Variants in MOCOS observed in about 807,000 individuals in gnomAD.
MOCOS encodes the protein molybdenum cofactor sulfurase.
In MOCOS, 86 loss-of-function variants were observed where a neutral mutation model predicts 83.6. That is an observed-to-expected ratio of 1.03 (90% CI 0.86 to 1.23). MOCOS has a LOEUF of 1.23. Ranked by LOEUF, MOCOS falls within the 50% of genes most tolerant of loss-of-function variation. MOCOS has a pLI of 0.00. For synonymous variants in MOCOS, 445 were observed against 434.7 expected, an observed-to-expected ratio of 1.02 and a Z score of -0.29; for missense variants, 1,120 against 1,126.9, an observed-to-expected ratio of 0.99 and a Z score of 0.09.
At chr18:36,263,321 G>A (rs1184823824) in intron 13 of MOCOS, among the ~76,000 whole-genome samples, 3 of 152,160 alleles carry the variant, frequency 2.0e-5, no homozygotes, top group African/African-American at 4.8e-5. Context: ...TGTGAATTAG[G>A]CCTTTATTGC....
intron 13 of MOCOS, among the ~76,000 whole-genome samples, chr18:36,261,254 T>A (rs1254976532): frequency 2.0e-5 from 3 of 152,172 alleles, no homozygotes; most frequent in Non-Finnish European, 4.4e-5. Context: ...ATAAAACTTT[T>A]TGAGCACTGA....
intron 9 of MOCOS, among the ~76,000 whole-genome samples, chr18:36,225,155 T>C (rs561777170): frequency 1.3e-5 from 2 of 152,290 alleles, no homozygotes; most frequent in South Asian, 2.1e-4. Flanking sequence ...TTTTTTTGTT[T>C]TGTTTGTTTG....
In MOCOS at chr18:36,203,150, G is replaced by T. The variant is rs199870151; in HGVS notation, c.979G>T (p.Ala327Ser). 3.7e-6 allele frequency: 6 copies of T among 1,613,966 alleles called. No homozygotes were observed. In the African/African-American group the frequency reaches 6.7e-5, roughly 18 times the overall value. The change falls in exon 5 of 15, where the codon GCG (alanine) becomes TCG (serine). Residue 327 changes from alanine (A) to serine (S), a missense_variant. Coordinates refer to ENST00000261326, the MANE Select transcript of MOCOS (RefSeq NM_017947.4). The part of the protein sequence containing the change: ...DGTISFLDVI[A>S]LKHGFDTLER... ...CACCATCTCATTCCTTGATGTTATC[G>T]CGCTAAAACATGGATTTGACACCCT...
intron 9 of MOCOS, among the ~76,000 whole-genome samples, chr18:36,237,006 T>C (rs932756090): frequency 9.9e-5 from 15 of 151,974 alleles, no homozygotes; most frequent in Admixed American, 9.8e-4. Flanking sequence ...TTGCTGAAGT[T>C]GCTTATGAGC....
rs866671617 is a variant in MOCOS, at chr18:36,221,860, G to A, written c.1960+1643G>A. ...TGTGCTTCAGCCTCCCGAGTAGCTG[G>A]GATTACAGGCATGCAGCACCATGAC... On this transcript the variant is annotated intron_variant, in intron 9 of 14. Transcript: ENST00000261326. Among the ~76,000 whole-genome samples, 17 of 151,972 alleles carry A rather than the reference G, an allele frequency of 1.1e-4. No homozygotes were observed. In the South Asian group the frequency reaches 3.5e-3, roughly 32 times the overall value.
chr18:36,189,272 C>T (rs183534967), intron 1 of MOCOS, among the ~76,000 whole-genome samples: 41 of 152,276 alleles, frequency 2.7e-4, no homozygotes, highest in African/African-American at 9.6e-5. Context: ...CCTCAGAACT[C>T]GTTACCACTT....
intron 13 of MOCOS, among the ~76,000 whole-genome samples, chr18:36,262,977 T>C (rs2091669284): frequency 6.6e-6 from 1 of 152,030 alleles, no homozygotes; most frequent in Non-Finnish European, 1.5e-5. Flanking sequence ...GGCATGGTGG[T>C]ACATCCCTGT....
At chr18:36,247,477 A>G (rs935665813) in intron 9 of MOCOS, among the ~76,000 whole-genome samples, 4 of 152,140 alleles carry the variant, frequency 2.6e-5, no homozygotes, top group African/African-American at 4.8e-5. Flanking sequence ...CCCCTCTCCA[A>G]TTCCACTGGC....
In MOCOS at chr18:36,206,398, C is replaced by T. The variant is rs574627563; in HGVS notation, c.1218+1122C>T. On this transcript the variant is annotated intron_variant, in intron 6 of 14. Coordinates refer to ENST00000261326, the MANE Select transcript of MOCOS (RefSeq NM_017947.4). ...AACAGCTGGGACTACGGACATGTGC[C>T]ACCATGCCTGGCTAGTTTTTATATT... is the stretch of plus-strand genomic sequence containing the variant. Among the ~76,000 whole-genome samples, 286 of 152,020 alleles carry T rather than the reference C, an allele frequency of 1.9e-3. 1 individual carries two copies. The highest frequency in any genetic ancestry group is 6.7e-3 in the African/African-American group (279 of 41,446).
intron 11 of MOCOS, among the ~76,000 whole-genome samples, chr18:36,255,358 A>G (rs1217542706): frequency 6.6e-6 from 1 of 152,208 alleles, no homozygotes; most frequent in Non-Finnish European, 1.5e-5. Flanking sequence ...GTCTCTTGAC[A>G]ACTTAATTAG....
chr18:36,244,158 G>A (rs959231852), intron 9 of MOCOS, among the ~76,000 whole-genome samples: 1 of 150,214 alleles, frequency 6.7e-6, no homozygotes, highest in African/African-American at 2.4e-5. Context: ...TTTTTTTTCT[G>A]TTTGGTTTGG....
At chr18:36,268,174 G>A (rs970938529) in intron 14 of MOCOS, among the ~76,000 whole-genome samples, 1 of 152,152 alleles carries the variant, frequency 6.6e-6, no homozygotes, top group African/African-American at 2.4e-5. Context: ...TTCCCCAAAA[G>A]GCTTTTACAT....
intron 4 of MOCOS, 33 bp from the exon 5 acceptor site, chr18:36,203,080 G>C: frequency 6.3e-7 from 1 of 1,596,094 alleles, no homozygotes; most frequent in African/African-American, 1.3e-5. Flanking sequence ...TTTGACCACA[G>C]CTTGACCTGT....
intron 13 of MOCOS, among the ~76,000 whole-genome samples, chr18:36,262,506 T>C (rs1329152410): frequency 6.6e-6 from 1 of 151,708 alleles, no homozygotes; most frequent in Non-Finnish European, 1.5e-5. Flanking sequence ...TACTGCACCT[T>C]TCTTTTTTTT....
intron 9 of MOCOS, among the ~76,000 whole-genome samples, chr18:36,231,252 T>G (rs2091536614): frequency 6.6e-6 from 1 of 152,228 alleles, no homozygotes; most frequent in South Asian, 2.1e-4. Flanking sequence ...GAGCTATATA[T>G]TTGGTATCTT....
chr18:36,268,398 G>A (rs1233554160), intron 14 of MOCOS, 135 bp from the exon 15 acceptor site: 1 of 1,052,474 alleles, frequency 9.5e-7, no homozygotes, highest in East Asian at 2.6e-5. Context: ...CTGTGTAACA[G>A]ATAGGAGATA....
At chr18:36,197,000 G>T (rs1598870198) in intron 2 of MOCOS, among the ~76,000 whole-genome samples, 2 of 152,160 alleles carry the variant, frequency 1.3e-5, no homozygotes, top group Admixed American at 6.5e-5. Flanking sequence ...AAGCCTGTCT[G>T]GGGGTTAAGT....
intron 9 of MOCOS, among the ~76,000 whole-genome samples, chr18:36,230,028 C>G (rs982202824): frequency 6.6e-6 from 1 of 152,048 alleles, no homozygotes; most frequent in Non-Finnish European, 1.5e-5. Flanking sequence ...TTGTTTGGAA[C>G]ATCTTTGCCT....
chr18:36,196,561 G>C (rs1420478314), intron 2 of MOCOS, among the ~76,000 whole-genome samples: 3 of 152,120 alleles, frequency 2.0e-5, no homozygotes, highest in Non-Finnish European at 4.4e-5. Flanking sequence ...TTGGATTTTG[G>C]CTCTGGGCAG....
Sources: allele counts gnomAD v4.1 joint callset (sites outside exome capture counted in the v4.1 genomes callset), GRCh38; gene constraint gnomAD v4.1.1; transcripts MANE v1.5; gene names NCBI Gene and HGNC (gene_info 2026-07-23, HGNC 2026-07-21).